The following NCKAP1 variants were observed in gnomAD, a reference collection of about 807,000 sequenced individuals.
The protein encoded by NCKAP1 is nck-associated protein 1.
In NCKAP1, 21 loss-of-function variants were observed where a neutral mutation model predicts 151.2. The observed-to-expected ratio is 0.14, with a 90% CI of 0.10 to 0.20. The LOEUF is 0.20. NCKAP1 is among the 10% of genes least tolerant of loss of function. NCKAP1 has a pLI of 1.00. For synonymous variants in NCKAP1, 484 were observed against 451.8 expected, an observed-to-expected ratio of 1.07 and a Z score of -0.90; for missense variants, 933 against 1,352.1, an observed-to-expected ratio of 0.69 and a Z score of 4.86.
Position 182,919,677 on chromosome 2 carries a change from A to T in NCKAP1, c.*6025T>A, listed in dbSNP as rs1457260576. On this transcript the variant is annotated 3_prime_UTR_variant, in exon 31 of 31. Coordinates refer to ENST00000361354, the MANE Select transcript of NCKAP1 (RefSeq NM_013436.5). Reference sequence around the variant, plus strand: ...ATAATTTTTTTTTTTTTTGAGACAGAGTCTTGTTCTGTTGCCCAGGCTGGA... The same window carrying T: ...ATAATTTTTTTTTTTTTTGAGACAGTGTCTTGTTCTGTTGCCCAGGCTGGA... 2.7e-5 allele frequency: 4 copies of T among 146,054 alleles called. No individual in the cohort carries two copies. The highest frequency in any genetic ancestry group is 1.0e-4 in the African/African-American group (4 of 39,346). The allele number at this position is 146,054 out of a possible 1,614,324, so 9.0% of individuals were successfully genotyped here.
chr2:182,961,408 A>C (rs1697448720), intron 18 of NCKAP1, among the ~76,000 whole-genome samples: 1 of 151,676 alleles, frequency 6.6e-6, no homozygotes, highest in Non-Finnish European at 1.5e-5. Flanking sequence ...GGCCATAAAA[A>C]ATGAGTTCAT....
intron 24 of NCKAP1, among the ~76,000 whole-genome samples, chr2:182,936,166 G>T (rs951247543): frequency 6.6e-6 from 1 of 152,052 alleles, no homozygotes; most frequent in African/African-American, 2.4e-5. Context: ...GCTAAGATGG[G>T]AGGATCCTTT....
chr2:182,961,832 T>C (rs1335967375), intron 18 of NCKAP1, among the ~76,000 whole-genome samples: 1 of 152,170 alleles, frequency 6.6e-6, no homozygotes, highest in Non-Finnish European at 1.5e-5. Context: ...ATCTGAATTA[T>C]AAGTACAGTG....
chr2:182,976,350 C>T (rs1050736130), intron 15 of NCKAP1, among the ~76,000 whole-genome samples: 1 of 152,090 alleles, frequency 6.6e-6, no homozygotes, highest in Non-Finnish European at 1.5e-5. Context: ...GTTTTTTGTA[C>T]AGATCGTGGT....
chr2:183,034,577 T>C (rs917313649), intron 1 of NCKAP1, among the ~76,000 whole-genome samples: 2 of 152,142 alleles, frequency 1.3e-5, no homozygotes, highest in Non-Finnish European at 2.9e-5. Flanking sequence ...AGCAAAATGT[T>C]TTCTTTGGGT....
intron 1 of NCKAP1, among the ~76,000 whole-genome samples, chr2:183,029,950 T>A (rs1315017386): frequency 6.6e-6 from 1 of 151,822 alleles, no homozygotes; most frequent in Non-Finnish European, 1.5e-5. Flanking sequence ...GCTTTAGAAA[T>A]TATCTAAATT....
Position 182,978,920 on chromosome 2 carries a change from AAAAC to A in NCKAP1, c.1342-9_1342-6del, listed in dbSNP as rs760470569. On this transcript the variant is annotated splice_region_variant and splice_polypyrimidine_tract_variant and intron_variant, in intron 13 of 30. Transcript: ENST00000361354. ...TTCAGGGCAAACAGAAAGATTCTGA[AAAAC>A]AAACAAAAAGTAACGTTAAAAACAT... The A allele has an allele frequency of 1.0e-5, 16 of 1,599,014 alleles. No individual in the cohort carries two copies. The highest frequency in any genetic ancestry group is 5.6e-5 in the South Asian group (5 of 89,648).
chr2:183,023,479 A>T (rs911367723), intron 2 of NCKAP1, among the ~76,000 whole-genome samples: 1 of 152,204 alleles, frequency 6.6e-6, no homozygotes, highest in Non-Finnish European at 1.5e-5. Flanking sequence ...GAAGTTTATG[A>T]CTATAAGAAA....
rs573373184 is a variant in NCKAP1, at chr2:183,007,131, C to A, written c.220-3806G>T. ...TAGGTGATCCTCCCGCCTCGGCCTCCCAAAGTGCTGGGATTATAAGCATGA... is the reference window on the plus strand; with the variant it reads ...TAGGTGATCCTCCCGCCTCGGCCTCACAAAGTGCTGGGATTATAAGCATGA... On this transcript the variant is annotated intron_variant, in intron 2 of 30. Transcript: ENST00000361354. 7.9e-5 allele frequency among the ~76,000 whole-genome samples: 12 copies of A among 152,294 alleles called. No individual in the cohort carries two copies. The East Asian group carries it at 2.3e-3, about 29-fold the overall frequency.
At chr2:183,010,690 T>G (rs184835711) in intron 2 of NCKAP1, among the ~76,000 whole-genome samples, 19 of 152,348 alleles carry the variant, frequency 1.2e-4, no homozygotes, top group African/African-American at 4.6e-4. Context: ...AAGCAAACTT[T>G]GAAATTAATT....
At chr2:182,944,772 A>G (rs577756471) in intron 23 of NCKAP1, among the ~76,000 whole-genome samples, 1 of 152,336 alleles carries the variant, frequency 6.6e-6, no homozygotes, top group African/African-American at 2.4e-5. Context: ...CTTAGTTTAT[A>G]TCAGTTTAGA....
At position 183,015,878 on chromosome 2, in the gene NCKAP1, TA is replaced by T. The variant is rs1309333245; in HGVS notation, c.219+7927del. Among the ~76,000 whole-genome samples the T allele has an allele frequency of 8.4e-3, 1,069 of 127,446 alleles. 15 individuals carry two copies. Among genetic ancestry groups the T allele is most frequent in the African/African-American group, 0.028 (979 of 35,044 alleles). 83.6% of individuals were successfully genotyped at this position (127,446 alleles called of 152,430 possible). On this transcript the variant is annotated intron_variant, in intron 2 of 30. Coordinates refer to ENST00000361354, the MANE Select transcript of NCKAP1 (RefSeq NM_013436.5). ...GGATAAATAACCAAGGGTGAGGATA[TA>T]AAAAAAAAAAACTATATTAAAGTTA... is the stretch of plus-strand genomic sequence containing the variant.
chr2:182,981,269 G>A lies in NCKAP1; in HGVS notation c.1316C>T (p.Ala439Val). 3 of 1,613,612 alleles carry A rather than the reference G, an allele frequency of 1.9e-6. No homozygotes were observed. Among genetic ancestry groups the A allele is most frequent in the Non-Finnish European group, 2.5e-6 (3 of 1,179,696 alleles). ...YYVQYLSGFD[A>V]VVLNELVQNL... ...CTGCACGAGTTCATTGAGGACAACA[G>A]CATCAAAGCCAGAAAGGTACTGCAC... Residue 439 changes from alanine (A) to valine (V), a missense_variant, in exon 13 of 31, where the codon GCT becomes GTT. Ala to Val is a moderately conservative substitution (Grantham distance 64, BLOSUM62 0). Coordinates refer to ENST00000361354, the MANE Select transcript of NCKAP1 (RefSeq NM_013436.5).
At position 182,918,424 on chromosome 2, in the gene NCKAP1, GAACC is replaced by G. The variant is rs1045878668; in HGVS notation, c.*7274_*7277del. 1 of 152,100 alleles carries G rather than the reference GAACC, an allele frequency of 6.6e-6. No individual in the cohort carries two copies. Among genetic ancestry groups the G allele is most frequent in the African/African-American group, 2.4e-5 (1 of 41,416 alleles). 9.4% of individuals were successfully genotyped at this position (152,100 alleles called of 1,614,324 possible). A position where few individuals can be genotyped will look rare whatever the true frequency, so the allele number is the denominator to read the frequency against. On this transcript the variant is annotated 3_prime_UTR_variant, in exon 31 of 31. Coordinates refer to ENST00000361354, the MANE Select transcript of NCKAP1 (RefSeq NM_013436.5). ...CACAATTCATAACTGCAAAGATATG[GAACC>G]AACCTAAGTGCCCACTGACCAATGA...
At position 182,928,902 on chromosome 2, in the gene NCKAP1, A is replaced by G. The variant is rs1458926766; in HGVS notation, c.2954-3T>C. 6.4e-7 allele frequency: 1 copy of G among 1,556,114 alleles called. No homozygotes were observed. The highest frequency in any genetic ancestry group is 1.1e-5 in the South Asian group (1 of 87,666). ...CTCTTCTTCTGGACTAATGTTTTCT[A>G]AGAGACAAAAATTAAGAATAAAATC... On this transcript the variant is annotated splice_region_variant and splice_polypyrimidine_tract_variant and intron_variant, in intron 27 of 30. Coordinates refer to ENST00000361354, the MANE Select transcript of NCKAP1 (RefSeq NM_013436.5).
In NCKAP1 at chr2:182,922,579, T is replaced by G. The variant is rs1160880220; in HGVS notation, c.*3123A>C. On this transcript the variant is annotated 3_prime_UTR_variant, in exon 31 of 31. Coordinates refer to ENST00000361354, the MANE Select transcript of NCKAP1 (RefSeq NM_013436.5). The stretch of plus-strand genomic sequence containing the variant: ...TTTATTATTCCTCCCCTCAGCCCAC[T>G]TGTGGTTCCTTCTAATCCTTCACGT... The G allele has an allele frequency of 6.6e-6, 1 of 152,310 alleles. No homozygotes were observed. The highest frequency in any genetic ancestry group is 2.4e-5 in the African/African-American group (1 of 41,462). 9.4% of individuals were successfully genotyped at this position (152,310 alleles called of 1,614,324 possible).
chr2:183,037,643 C>T (rs531264121), intron 1 of NCKAP1, among the ~76,000 whole-genome samples: 1 of 152,318 alleles, frequency 6.6e-6, no homozygotes, highest in Admixed American at 6.5e-5. Context: ...CCACCCACCA[C>T]CCTCCCTTTC....
At chr2:183,035,338 A>G (rs1699082219) in intron 1 of NCKAP1, among the ~76,000 whole-genome samples, 1 of 152,040 alleles carries the variant, frequency 6.6e-6, no homozygotes, top group Admixed American at 6.5e-5. Flanking sequence ...ATAAGCGCCA[A>G]AGCATATTAC....
At chr2:183,003,107 T>A (rs1387932732) in intron 3 of NCKAP1, 77 bp from the exon 4 acceptor site, 2 of 1,359,546 alleles carry the variant, frequency 1.5e-6, no homozygotes, top group Non-Finnish European at 2.0e-6. Context: ...AAATAAGGTA[T>A]GTGTTAAACT....
Sources: gnomAD v4.1 joint callset for allele counts (sites outside exome capture counted in the v4.1 genomes callset) on GRCh38, gnomAD v4.1.1 for gene constraint, MANE v1.5 for transcripts, NCBI Gene and HGNC (gene_info 2026-07-23, HGNC 2026-07-21) for gene names.